The following CAPN9 variants were observed in gnomAD, a reference collection of about 807,000 sequenced individuals.
CAPN9 encodes calpain-9.
CAPN9 carries 81 observed loss-of-function variants against 92.8 expected under a neutral mutation model. The ratio of observed to expected loss-of-function variants is 0.87; its 90% CI spans 0.73 to 1.05. The LOEUF (loss-of-function observed/expected upper bound fraction) is 1.05. Among genes scored for constraint, CAPN9 ranks in the 50% least tolerant of loss-of-function variants. CAPN9 has a pLI of 0.00. For synonymous variants in CAPN9, 304 were observed against 328.0 expected (o/e 0.93, Z 0.79); for missense variants, 848 against 866.2 (o/e 0.98, Z 0.26).
At chr1:230,780,085 T>C (rs1351148393) in intron 9 of CAPN9, 94 bp from the exon 10 acceptor site, 57 of 43,372 alleles carry the variant, frequency 1.3e-3, no homozygotes, top group South Asian at 4.8e-3. Flanking sequence ...TATGTGCGTG[T>C]GTGTGTGTGT....
At chr1:230,789,499 A>G (rs1304166124) in intron 13 of CAPN9, among the ~76,000 whole-genome samples, 1 of 137,638 alleles carries the variant, frequency 7.3e-6, no homozygotes, top group Non-Finnish European at 1.6e-5. Flanking sequence ...AAAAAAAAAA[A>G]AGCCTGAGTC....
chr1:230,757,920 C>T (rs2102843678), intron 2 of CAPN9, among the ~76,000 whole-genome samples: 1 of 152,078 alleles, frequency 6.6e-6, no homozygotes, highest in South Asian at 2.1e-4. Context: ...CTGCAGTGAG[C>T]CGAGATGGTG....
intron 4 of CAPN9, among the ~76,000 whole-genome samples, chr1:230,763,931 T>A (rs1665801511): frequency 1.3e-5 from 2 of 152,226 alleles, no homozygotes; most frequent in South Asian, 4.1e-4. Flanking sequence ...CAAGCCCACC[T>A]CTGCCCCTTG....
chr1:230,765,075 G>T (rs189462638), intron 4 of CAPN9, among the ~76,000 whole-genome samples: 2 of 151,916 alleles, frequency 1.3e-5, no homozygotes, highest in Non-Finnish European at 2.9e-5. Flanking sequence ...AAGGAACTGG[G>T]GCTTCTTGGA....
At position 230,772,006 on chromosome 1, in the gene CAPN9, C is replaced by A. The variant is rs200874991; in HGVS notation, c.790-8C>A. On this transcript the variant is annotated splice_region_variant and splice_polypyrimidine_tract_variant and intron_variant, in intron 6 of 19. Coordinates refer to ENST00000271971, the MANE Select transcript of CAPN9 (RefSeq NM_006615.3). ...ATTTCACACTTCCCTCATGCTTTTC[C>A]CTTCTAGGTAAGCTTCCGAGGCCAG... is the stretch of plus-strand genomic sequence containing the variant. 3.0e-5 allele frequency: 49 copies of A among 1,613,274 alleles called. 1 individual carries two copies. In the East Asian group the frequency reaches 1.1e-3, roughly 36 times the overall value.
intron 9 of CAPN9, among the ~76,000 whole-genome samples, chr1:230,779,951 AAG>A (rs1298427294): frequency 1.3e-5 from 2 of 152,172 alleles, no homozygotes; most frequent in African/African-American, 2.4e-5. Flanking sequence ...GTGGAAATGA[AAG>A]AGAGGATATT....
At chr1:230,795,372 G>T in intron 18 of CAPN9, 93 bp downstream of exon 18, 2 of 744,654 alleles carry the variant, frequency 2.7e-6, no homozygotes, top group Non-Finnish European at 4.7e-6. Flanking sequence ...TAAAGTAATG[G>T]CAAAGATAGA....
At chr1:230,761,931 G>A (rs972518814) in intron 3 of CAPN9, among the ~76,000 whole-genome samples, 1 of 152,166 alleles carries the variant, frequency 6.6e-6, no homozygotes, top group African/African-American at 2.4e-5. Flanking sequence ...GCAAACACAT[G>A]CATGCACACA....
intron 12 of CAPN9, among the ~76,000 whole-genome samples, chr1:230,786,621 A>G (rs561121610): frequency 5.3e-5 from 8 of 152,280 alleles, no homozygotes; most frequent in Admixed American, 4.6e-4. Flanking sequence ...TCAGGCAAAT[A>G]AGCATGAGAA....
intron 15 of CAPN9, 71 bp from the exon 16 acceptor site, chr1:230,792,355 C>A: frequency 7.4e-7 from 1 of 1,343,308 alleles, no homozygotes; most frequent in South Asian, 1.2e-5. Flanking sequence ...TCTGCAGTCC[C>A]AGAGCTGAGG....
chr1:230,765,212 GACACACACACACACACACACACAC>G (rs56286310), intron 4 of CAPN9, among the ~76,000 whole-genome samples: 2 of 132,038 alleles, frequency 1.5e-5, no homozygotes, highest in African/African-American at 2.9e-5. Flanking sequence ...ACACATGCAA[GACACACACACACACACACACACAC>G]ACACACACAC....
chr1:230,772,355 A>G (rs930177342), intron 7 of CAPN9, among the ~76,000 whole-genome samples: 23 of 152,250 alleles, frequency 1.5e-4, no homozygotes, highest in African/African-American at 5.3e-4. Context: ...CAATACATAA[A>G]TGTGTTACCT....
intron 12 of CAPN9, chr1:230,786,255 G>C (rs11122602): frequency 0.32 from 208,210 of 659,696 alleles, 35,461 homozygotes; most frequent in Non-Finnish European, 0.35. Flanking sequence ...AGTTCTGTTC[G>C]ATGTCATCTT....
chr1:230,798,248 G>A, intron 19 of CAPN9, 28 bp downstream of exon 19: 1 of 1,550,154 alleles, frequency 6.5e-7, no homozygotes, highest in Non-Finnish European at 8.9e-7. Flanking sequence ...CCTCTGCTCA[G>A]GGACCCAGCT....
intron 1 of CAPN9, among the ~76,000 whole-genome samples, chr1:230,753,267 T>G (rs1342449081): frequency 1.3e-5 from 2 of 152,178 alleles, no homozygotes; most frequent in Non-Finnish European, 2.9e-5. Flanking sequence ...GGGAGGTCCT[T>G]ACTTCTGCCG....
chr1:230,800,745 AAT>A (rs1479350194), intron 19 of CAPN9, among the ~76,000 whole-genome samples: 1 of 152,168 alleles, frequency 6.6e-6, no homozygotes, highest in Non-Finnish European at 1.5e-5. Context: ...ATTAAATCTG[AAT>A]CTCTGGAGGT....
Position 230,801,722 on chromosome 1 carries a change from C to A in CAPN9, c.*126C>A. On this transcript the variant is annotated 3_prime_UTR_variant, in exon 20 of 20. Coordinates refer to ENST00000271971, the MANE Select transcript of CAPN9 (RefSeq NM_006615.3). ...CTCCCCTCTCATCGTCCGGCCTTCT[C>A]CCTTCATCTTGATCTGGGAAGAATG... The A allele has an allele frequency of 1.2e-6, 1 of 849,468 alleles. No homozygotes were observed. The allele number at this position is 849,468 out of a possible 1,614,324, so 52.6% of individuals were successfully genotyped here.
intron 7 of CAPN9, 124 bp downstream of exon 7, chr1:230,772,223 T>G: frequency 1.3e-6 from 1 of 767,178 alleles, no homozygotes; most frequent in Non-Finnish European, 2.2e-6. Flanking sequence ...CAGGATCCTG[T>G]CCCGATTCTG....
chr1:230,759,693 T>C (rs1232682577), intron 3 of CAPN9, 63 bp downstream of exon 3: 13 of 988,450 alleles, frequency 1.3e-5, no homozygotes, highest in Non-Finnish European at 1.8e-5. Context: ...GGCAGGTGCA[T>C]TTCCACACTG....
Sources: gnomAD v4.1 joint callset for allele counts (sites outside exome capture counted in the v4.1 genomes callset) on GRCh38, gnomAD v4.1.1 for gene constraint, MANE v1.5 for transcripts, NCBI Gene and HGNC (gene_info 2026-07-23, HGNC 2026-07-21) for gene names.